The following ATP8B4 variants were observed in gnomAD, a reference collection of about 807,000 sequenced individuals.
The protein encoded by ATP8B4 is probable phospholipid-transporting ATPase IM.
In ATP8B4, 133 loss-of-function variants were observed where a neutral mutation model predicts 145.6. The ratio of observed to expected loss-of-function variants is 0.91; its 90% CI spans 0.79 to 1.05. The LOEUF (loss-of-function observed/expected upper bound fraction) is 1.05, where lower values mean the gene tolerates loss of function less well. Among genes scored for constraint, ATP8B4 ranks in the 50% least tolerant of loss-of-function variants. The pLI is 0.00. For synonymous variants in ATP8B4, 507 were observed against 492.9 expected (o/e 1.03, Z -0.38); for missense variants, 1,458 against 1,425.2 (o/e 1.02, Z -0.37).
chr15:50,123,683 G>A (rs2057288511), upstream of ATP8B4, among the ~76,000 whole-genome samples: 1 of 152,090 alleles, frequency 6.6e-6, no homozygotes. Flanking sequence ...CTGCCTCTGT[G>A]TAAATTAAAC....
At chr15:49,901,029 G>A in intron 21 of ATP8B4, 63 bp downstream of exon 21, 2 of 1,559,190 alleles carry the variant, frequency 1.3e-6, no homozygotes, top group Non-Finnish European at 1.8e-6. Context: ...CATTATGATA[G>A]CACAAAAGAG....
rs2040007688 is a variant in ATP8B4 at position 49,919,007 on chromosome 15, A to T, written c.1924-57T>A. On this transcript the variant is annotated intron_variant, in intron 18 of 27. Transcript: ENST00000284509. ...AATGCATGCAAACAATATCTATAAC[A>T]TCTATGGATTTCACTCACAGATTCT... 14 of 1,239,918 alleles carry T rather than the reference A, an allele frequency of 1.1e-5. No individual in the cohort carries two copies. In the South Asian group the frequency reaches 1.9e-4, roughly 17 times the overall value. The allele number at this position is 1,239,918 out of a possible 1,614,324, so 76.8% of individuals were successfully genotyped here.
intron 3 of ATP8B4, among the ~76,000 whole-genome samples, chr15:50,060,637 G>A (rs1372512023): frequency 1.3e-5 from 2 of 151,948 alleles, no homozygotes; most frequent in Non-Finnish European, 2.9e-5. Flanking sequence ...TCCCCGCCCC[G>A]CCCCCACCAC....
intron 20 of ATP8B4, among the ~76,000 whole-genome samples, chr15:49,905,216 T>C (rs913354173): frequency 6.6e-6 from 1 of 152,206 alleles, no homozygotes; most frequent in Non-Finnish European, 1.5e-5. Flanking sequence ...AAATTATATA[T>C]CCATGTTTAT....
At chr15:50,099,273 T>C (rs1220078269) in intron 2 of ATP8B4, among the ~76,000 whole-genome samples, 1 of 152,164 alleles carries the variant, frequency 6.6e-6, no homozygotes, top group Non-Finnish European at 1.5e-5. Context: ...GTGTACAATT[T>C]TTTTTCTTTT....
chr15:49,979,777 C>T lies in ATP8B4; in HGVS notation c.874G>A (p.Ala292Thr). ...CTCTCCCAGATTGAATTTCCTATTG[C>T]AAGAATAATTCCCAAGCATATCAGA... ...GFLICLGIILAIGNSIWESQT... is the reference protein window; with the variant it reads ...GFLICLGIILTIGNSIWESQT... Residue 292 changes from alanine to threonine, a missense_variant, in exon 12 of 28, where the codon GCA becomes ACA. By Grantham distance (58) the Ala-to-Thr change is moderately conservative. Transcript: ENST00000284509. 1 of 1,606,178 alleles carries T rather than the reference C, an allele frequency of 6.2e-7. No individual in the cohort carries two copies. Among genetic ancestry groups the T allele is most frequent in the Non-Finnish European group, 8.5e-7 (1 of 1,175,402 alleles).
At chr15:49,929,090 G>A (rs1337658081) in intron 16 of ATP8B4, among the ~76,000 whole-genome samples, 1 of 152,100 alleles carries the variant, frequency 6.6e-6, no homozygotes, top group Admixed American at 6.6e-5. Flanking sequence ...TGGTGACGCT[G>A]ATGGGAGGTA....
Position 50,002,067 on chromosome 15 carries a change from C to A in ATP8B4, c.506+86G>T, listed in dbSNP as rs552560195. 3.1e-5 allele frequency: 35 copies of A among 1,128,574 alleles called. No homozygotes were observed. The South Asian group carries it at 4.8e-4, about 16-fold the overall frequency. The allele number at this position is 1,128,574 out of a possible 1,614,324, so 69.9% of individuals were successfully genotyped here. A position where few individuals can be genotyped will look rare whatever the true frequency, so the allele number is the denominator to read the frequency against. ...AACTCCTATGTCTCCCAAGAAGATA[C>A]TGAACAAGGTTAAGTCTTATCTCTA... On this transcript the variant is annotated intron_variant, in intron 8 of 27. Coordinates refer to ENST00000284509, the MANE Select transcript of ATP8B4 (RefSeq NM_024837.4).
chr15:50,082,908 G>A lies in ATP8B4; in HGVS notation c.29-8723C>T, dbSNP rs145494371. Among the ~76,000 whole-genome samples, 1,094 of 152,250 alleles carry A rather than the reference G, an allele frequency of 7.2e-3. 5 individuals carry two copies. Among genetic ancestry groups the A allele is most frequent in the Non-Finnish European group, 0.013 (871 of 68,020 alleles). On this transcript the variant is annotated intron_variant, in intron 2 of 27. Coordinates refer to ENST00000284509, the MANE Select transcript of ATP8B4 (RefSeq NM_024837.4). Reference sequence around the variant, plus strand: ...AAACAGAGTCCTAGCAAGATTATGCGGTAAAGTCAGAATGCAAACACAGAA... The same window carrying A: ...AAACAGAGTCCTAGCAAGATTATGCAGTAAAGTCAGAATGCAAACACAGAA...
rs1280145337 is a variant in ATP8B4, at chr15:50,087,367, AAAT to A, written c.29-13185_29-13183del. On this transcript the variant is annotated intron_variant, in intron 2 of 27. Transcript: ENST00000284509. ...ATAGATCTATATATTATATATAATA[AAAT>A]AATATATAGATATATATTATACATA... Among the ~76,000 whole-genome samples, 166 of 138,778 alleles carry A rather than the reference AAAT, an allele frequency of 1.2e-3. 1 individual carries two copies. Among genetic ancestry groups the A allele is most frequent in the African/African-American group, 4.5e-3 (160 of 35,374 alleles). The allele number at this position is 138,778 out of a possible 152,430, so 91.0% of individuals were successfully genotyped here.
At chr15:50,033,697 A>G (rs1041718687) in intron 6 of ATP8B4, among the ~76,000 whole-genome samples, 3 of 152,120 alleles carry the variant, frequency 2.0e-5, no homozygotes, top group Admixed American at 2.0e-4. Context: ...TAGTTTTCCA[A>G]TCCCTGTCCT....
At chr15:49,982,176 C>T (rs748330309) in intron 10 of ATP8B4, among the ~76,000 whole-genome samples, 2 of 152,080 alleles carry the variant, frequency 1.3e-5, no homozygotes, top group African/African-American at 2.4e-5. Flanking sequence ...AAGGGAGGCA[C>T]ACCCAAAATT....
At chr15:49,925,240 A>T (rs1381800650) in intron 16 of ATP8B4, among the ~76,000 whole-genome samples, 1 of 146,148 alleles carries the variant, frequency 6.8e-6, no homozygotes, top group African/African-American at 2.4e-5. Context: ...TTTCTATAAA[A>T]AAACTATATT....
chr15:49,994,022 T>G (rs2047231168), intron 9 of ATP8B4, among the ~76,000 whole-genome samples: 1 of 152,170 alleles, frequency 6.6e-6, no homozygotes, highest in South Asian at 2.1e-4. Flanking sequence ...GTGAAGTATT[T>G]TTAAATGGCT....
chr15:49,864,005 TA>T (rs2032338436), intron 26 of ATP8B4, among the ~76,000 whole-genome samples: 1 of 152,196 alleles, frequency 6.6e-6, no homozygotes, highest in Non-Finnish European at 1.5e-5. Context: ...GGAAATCTTC[TA>T]GTCAATACAC....
At chr15:50,167,664 G>C (rs1475940699) in intron 1 of ATP8B4, among the ~76,000 whole-genome samples, 1 of 152,112 alleles carries the variant, frequency 6.6e-6, no homozygotes, top group East Asian at 1.9e-4. Flanking sequence ...ACTACACTTA[G>C]CATATCAGCA....
At chr15:49,943,522 A>AT (rs993510527) in intron 14 of ATP8B4, among the ~76,000 whole-genome samples, 2 of 152,216 alleles carry the variant, frequency 1.3e-5, no homozygotes, top group Admixed American at 6.5e-5. Context: ...TCATCAGTAG[A>AT]TTTTCCAGCA....
At chr15:49,969,439 G>A (rs1339046487) in intron 13 of ATP8B4, among the ~76,000 whole-genome samples, 1 of 151,788 alleles carries the variant, frequency 6.6e-6, no homozygotes, top group Non-Finnish European at 1.5e-5. Context: ...ATTATGAAGG[G>A]GATATCACCA....
intron 1 of ATP8B4, among the ~76,000 whole-genome samples, chr15:50,140,447 G>A (rs139520554): frequency 6.6e-6 from 1 of 152,154 alleles, no homozygotes; most frequent in African/African-American, 2.4e-5. Flanking sequence ...GCACTGGGTT[G>A]GATCAACACT....
Sources: allele counts gnomAD v4.1 joint callset (sites outside exome capture counted in the v4.1 genomes callset), GRCh38; gene constraint gnomAD v4.1.1; transcripts MANE v1.5; gene names NCBI Gene and HGNC (gene_info 2026-07-23, HGNC 2026-07-21).